The following OLFM3 variants were observed in gnomAD, a reference collection of about 807,000 sequenced individuals.
OLFM3 encodes noelin-3.
OLFM3 carries 20 observed loss-of-function variants against 48.6 expected under a neutral mutation model. The ratio of observed to expected loss-of-function variants is 0.41; its 90% CI spans 0.29 to 0.60. OLFM3 has a LOEUF of 0.60. Among genes scored for constraint, OLFM3 ranks in the 20% least tolerant of loss-of-function variants. The pLI is 0.28. For synonymous variants in OLFM3, 222 were observed against 198.1 expected (o/e 1.12, Z -1.01); for missense variants, 437 against 544.3 (o/e 0.80, Z 1.96).
chr1:101,965,470 A>G (rs1660583341), intron 1 of OLFM3, among the ~76,000 whole-genome samples: 1 of 152,196 alleles, frequency 6.6e-6, no homozygotes, highest in African/African-American at 2.4e-5. Flanking sequence ...TAAAACTCCT[A>G]TTAGAAGCAG....
chr1:101,868,959 C>A (rs546443078), intron 1 of OLFM3, among the ~76,000 whole-genome samples: 23 of 152,318 alleles, frequency 1.5e-4, no homozygotes, highest in South Asian at 6.2e-4. Context: ...GTTTGGGAAC[C>A]CCTACCTGGA....
chr1:101,975,198 T>C (rs1011327581), intron 1 of OLFM3, among the ~76,000 whole-genome samples: 1 of 152,174 alleles, frequency 6.6e-6, no homozygotes, highest in Non-Finnish European at 1.5e-5. Context: ...GGTACAGTGG[T>C]GCGGATATTG....
chr1:101,873,282 G>C (rs1570583334), intron 1 of OLFM3, among the ~76,000 whole-genome samples: 1 of 151,866 alleles, frequency 6.6e-6, no homozygotes, highest in Non-Finnish European at 1.5e-5. Context: ...AAGCAGGAAA[G>C]AAGAGCCTCA....
At chr1:101,859,396 G>C (rs1303402790) in intron 1 of OLFM3, among the ~76,000 whole-genome samples, 1 of 152,066 alleles carries the variant, frequency 6.6e-6, no homozygotes. Context: ...ATAACAGAAA[G>C]ACTGGGGAAG....
At chr1:101,827,414 G>C (rs1258633206) in intron 3 of OLFM3, among the ~76,000 whole-genome samples, 1 of 152,010 alleles carries the variant, frequency 6.6e-6, no homozygotes, top group Non-Finnish European at 1.5e-5. Flanking sequence ...CCACCTCCCG[G>C]GTTCACGCCA....
At chr1:101,960,577 G>A (rs1309972561) in intron 1 of OLFM3, among the ~76,000 whole-genome samples, 1 of 152,218 alleles carries the variant, frequency 6.6e-6, no homozygotes, top group Non-Finnish European at 1.5e-5. Flanking sequence ...CAACAGAGCA[G>A]TCTGGCTATG....
At chr1:101,921,975 C>T (rs1225662742) in intron 1 of OLFM3, among the ~76,000 whole-genome samples, 1 of 152,034 alleles carries the variant, frequency 6.6e-6, no homozygotes, top group African/African-American at 2.4e-5. Context: ...AGAAGAATGG[C>T]TTGAACCCGG....
chr1:101,852,864 C>A (rs1656277575), intron 1 of OLFM3, among the ~76,000 whole-genome samples: 1 of 152,070 alleles, frequency 6.6e-6, no homozygotes, highest in Non-Finnish European at 1.5e-5. Context: ...TCAATTCAGT[C>A]AGCTAGTGTC....
At chr1:101,811,916 G>A (rs1261589592) in intron 4 of OLFM3, among the ~76,000 whole-genome samples, 1 of 152,144 alleles carries the variant, frequency 6.6e-6, no homozygotes, top group Non-Finnish European at 1.5e-5. Context: ...ATTCACAATA[G>A]CAAAAACTTG....
intron 1 of OLFM3, among the ~76,000 whole-genome samples, chr1:101,872,941 C>A (rs982853823): frequency 1.3e-5 from 2 of 151,820 alleles, no homozygotes; most frequent in Admixed American, 1.3e-4. Context: ...AAAAACAAAT[C>A]AACCTAATTT....
chr1:101,930,964 G>A (rs1007910048), intron 1 of OLFM3, among the ~76,000 whole-genome samples: 12 of 152,122 alleles, frequency 7.9e-5, no homozygotes, highest in Admixed American at 7.9e-4. Context: ...ATATCTCAGA[G>A]CATTTTAAAG....
At chr1:101,882,922 G>A (rs977098954) in intron 1 of OLFM3, 1 of 151,742 alleles carries the variant, frequency 6.6e-6, no homozygotes, top group African/African-American at 2.4e-5. Context: ...AAATAAAATT[G>A]TCTCCCATTT....
intron 1 of OLFM3, among the ~76,000 whole-genome samples, chr1:101,956,890 A>T (rs1297291258): frequency 6.6e-6 from 1 of 151,904 alleles, no homozygotes; most frequent in East Asian, 1.9e-4. Context: ...TTATGACATG[A>T]TATAATAACT....
chr1:101,918,311 A>G (rs1557729993), intron 1 of OLFM3, among the ~76,000 whole-genome samples: 1 of 152,210 alleles, frequency 6.6e-6, no homozygotes, highest in Non-Finnish European at 1.5e-5. Flanking sequence ...AGTGACTAAA[A>G]AGAACACAAA....
chr1:101,979,790 C>A (rs1437571742), intron 1 of OLFM3, among the ~76,000 whole-genome samples: 1 of 152,160 alleles, frequency 6.6e-6, no homozygotes, highest in Non-Finnish European at 1.5e-5. Context: ...ATCCTCCAGC[C>A]CCCAGAATGG....
intron 1 of OLFM3, among the ~76,000 whole-genome samples, chr1:101,898,148 T>C (rs994352016): frequency 6.6e-6 from 1 of 152,190 alleles, no homozygotes; most frequent in African/African-American, 2.4e-5. Context: ...AAAAAGTGTT[T>C]TGGAGAAGTT....
intron 1 of OLFM3, among the ~76,000 whole-genome samples, chr1:101,921,769 C>A (rs980621982): frequency 1.3e-5 from 2 of 151,988 alleles, no homozygotes; most frequent in African/African-American, 4.8e-5. Context: ...GTTTAAGAAA[C>A]CTGCCAGGCT....
rs1169072614 is a variant in OLFM3 at position 101,953,906 on chromosome 1, T to A, written c.69+42842A>T. Among the ~76,000 whole-genome samples, 5 of 152,026 alleles carry A rather than the reference T, an allele frequency of 3.3e-5. No individual in the cohort carries two copies. The South Asian group carries it at 1.0e-3, about 32-fold the overall frequency. Reference sequence around the variant, plus strand: ...TTAACAAGAGACAACTAGCTCAGATTCTGGGTTATGAGGGAGAGTCTTTAA... The same window carrying A: ...TTAACAAGAGACAACTAGCTCAGATACTGGGTTATGAGGGAGAGTCTTTAA... On this transcript the variant is annotated intron_variant, in intron 1 of 5. Coordinates refer to ENST00000370103, the MANE Select transcript of OLFM3 (RefSeq NM_058170.4).
chr1:101,858,424 G>A (rs766473836), intron 1 of OLFM3, among the ~76,000 whole-genome samples: 3 of 151,996 alleles, frequency 2.0e-5, no homozygotes, highest in African/African-American at 7.3e-5. Context: ...TCCCATTCTA[G>A]TGGGATACTG....
Sources: allele counts gnomAD v4.1 joint callset (sites outside exome capture counted in the v4.1 genomes callset), GRCh38; gene constraint gnomAD v4.1.1; transcripts MANE v1.5; gene names NCBI Gene and HGNC (gene_info 2026-07-23, HGNC 2026-07-21).